Variants in MS4A5 observed in about 807,000 individuals in gnomAD.
The protein encoded by MS4A5 is membrane spanning 4-domains A5.
A neutral mutation model predicts 18.2 loss-of-function variants in MS4A5; 15 were observed. The ratio of observed to expected loss-of-function variants is 0.83; its 90% CI spans 0.55 to 1.27. The LOEUF is 1.27. MS4A5 is among the 50% of genes most tolerant of loss of function. The pLI is 0.00. For synonymous variants in MS4A5, 89 were observed against 78.7 expected (o/e 1.13, Z -0.69); for missense variants, 232 against 225.7 (o/e 1.03, Z -0.18).
chr11:60,429,711 G>A lies in MS4A5; in HGVS notation c.37G>A (p.Val13Ile), dbSNP rs565794196. The A allele has an allele frequency of 1.9e-5, 30 of 1,613,820 alleles. No homozygotes were observed. The South Asian group carries it at 3.2e-4, about 17-fold the overall frequency. Residue 13 changes from valine (V) to isoleucine (I), a missense_variant, in exon 1 of 5, where the codon GTA becomes ATA. Coordinates refer to ENST00000300190, the MANE Select transcript of MS4A5 (RefSeq NM_023945.3). ...SSTAHSPVFL[V>I]FPPEITASEY... ...CACCGCACACAGTCCGGTGTTTCTG[G>A]TATTTCCTCCAGAAATCACTGCTTC...
intron 3 of MS4A5, among the ~76,000 whole-genome samples, chr11:60,433,141 C>T (rs7944373): frequency 0.32 from 49,393 of 152,006 alleles, 8,465 homozygotes; most frequent in Middle Eastern, 0.51. Flanking sequence ...TGGGTATTTA[C>T]GGCATACCAG....
Position 60,432,466 on chromosome 11 carries a change from T to C in MS4A5, c.338T>C (p.Leu113Pro), listed in dbSNP as rs1215024622. The C allele has an allele frequency of 3.2e-6, 5 of 1,570,010 alleles. No individual in the cohort carries two copies. In the Admixed American group the frequency reaches 5.1e-5, roughly 16 times the overall value. Residue 113 changes from leucine (L) to proline (P), a missense_variant and splice_region_variant, in exon 3 of 5, where the codon CTG (leucine) becomes CCG (proline). By Grantham distance (98) the Leu-to-Pro change is moderately conservative. Transcript: ENST00000300190. ...IAVKRKTTET[L>P]IILSRIMNFL... ...GTGAAAAGAAAAACCACAGAAACTC[T>C]GGTGAGTTATATTCTTACTTTATTA...
intron 4 of MS4A5, among the ~76,000 whole-genome samples, chr11:60,434,362 T>C (rs768472433): frequency 2.6e-5 from 4 of 152,076 alleles, no homozygotes; most frequent in African/African-American, 9.7e-5. Flanking sequence ...CTAAGATTAG[T>C]GTAAAAGAAT....
chr11:60,443,626 C>CA (rs1565189158), intron 4 of MS4A5, among the ~76,000 whole-genome samples: 1 of 151,150 alleles, frequency 6.6e-6, no homozygotes, highest in Non-Finnish European at 1.5e-5. Flanking sequence ...ATAGACATAA[C>CA]AAAGAATAGA....
intron 4 of MS4A5, among the ~76,000 whole-genome samples, chr11:60,434,363 G>C (rs2086067382): frequency 6.6e-6 from 1 of 152,114 alleles, no homozygotes; most frequent in Non-Finnish European, 1.5e-5. Context: ...TAAGATTAGT[G>C]TAAAAGAATG....
At chr11:60,432,822 T>C (rs1056572961) in intron 3 of MS4A5, among the ~76,000 whole-genome samples, 1 of 152,052 alleles carries the variant, frequency 6.6e-6, no homozygotes, top group Admixed American at 6.6e-5. Flanking sequence ...ATTTCCACTT[T>C]ATTAAAAATA....
chr11:60,446,746 A>G (rs891908132), intron 4 of MS4A5, among the ~76,000 whole-genome samples: 1 of 151,632 alleles, frequency 6.6e-6, no homozygotes, highest in Non-Finnish European at 1.5e-5. Context: ...AAAAAAAAAA[A>G]AGACAAAAAA....
In MS4A5 at chr11:60,429,785, C is replaced by G. The variant is rs373107019; in HGVS notation, c.111C>G (p.Ser37Arg). The G allele has an allele frequency of 1.5e-5, 25 of 1,613,832 alleles. No homozygotes were observed. The African/African-American group carries it at 3.2e-4, about 21-fold the overall frequency. The change falls in exon 1 of 5, where the codon AGC becomes AGG. Residue 37 changes from serine (S) to arginine (R), a missense_variant. Physicochemically the swap from Ser to Arg is moderately radical, Grantham distance 110 (BLOSUM62 -1). Coordinates refer to ENST00000300190, the MANE Select transcript of MS4A5 (RefSeq NM_023945.3). ...CAGCCACGACCTTTTCAACTCAAAGCCCCTTGCAAAAATTATTTGCTAGAA... is the reference window on the plus strand; with the variant it reads ...CAGCCACGACCTTTTCAACTCAAAGGCCCTTGCAAAAATTATTTGCTAGAA... ...ELSATTFSTQ[S>R]PLQKLFARKM...
At chr11:60,441,549 A>G (rs4080190) in intron 4 of MS4A5, among the ~76,000 whole-genome samples, 135,709 of 146,534 alleles carry the variant, frequency 0.93, 62,887 homozygotes, top group Middle Eastern at 0.97. Flanking sequence ...TATCCTTACT[A>G]TTTGTCAGCA....
chr11:60,446,663 T>C (rs2086139736), intron 4 of MS4A5, among the ~76,000 whole-genome samples: 1 of 151,180 alleles, frequency 6.6e-6, no homozygotes, highest in African/African-American at 2.4e-5. Flanking sequence ...AACCTGGGAG[T>C]TGGAGGTTGC....
At chr11:60,443,260 C>A (rs919388664) in intron 4 of MS4A5, among the ~76,000 whole-genome samples, 31 of 151,452 alleles carry the variant, frequency 2.0e-4, no homozygotes, top group African/African-American at 7.0e-4. Context: ...CAAGCCTCAA[C>A]AAAATTCAAA....
intron 1 of MS4A5, among the ~76,000 whole-genome samples, chr11:60,430,152 T>C (rs1322816753): frequency 6.6e-6 from 1 of 152,238 alleles, no homozygotes; most frequent in Non-Finnish European, 1.5e-5. Flanking sequence ...TTTTGTATAT[T>C]GTATACCTTC....
intron 4 of MS4A5, among the ~76,000 whole-genome samples, chr11:60,437,573 GGAAGTTCT>G (rs2086087625): frequency 6.6e-6 from 1 of 152,050 alleles, no homozygotes; most frequent in Non-Finnish European, 1.5e-5. Flanking sequence ...AAAGGATGGA[GGAAGTTCT>G]ACCAAGCAAA....
intron 4 of MS4A5, among the ~76,000 whole-genome samples, chr11:60,444,968 T>C (rs539610321): frequency 6.6e-6 from 1 of 152,318 alleles, no homozygotes; most frequent in East Asian, 1.9e-4. Context: ...AACTCAAATT[T>C]CTATCAACAA....
intron 4 of MS4A5, among the ~76,000 whole-genome samples, chr11:60,441,791 T>C (rs2086114670): frequency 6.6e-6 from 1 of 152,008 alleles, no homozygotes; most frequent in Admixed American, 6.6e-5. Context: ...AATAAGAGTT[T>C]AAAAAACAAA....
Position 60,441,625 on chromosome 11 carries a change from G to A in MS4A5, c.493-6024G>A, listed in dbSNP as rs201749619. Among the ~76,000 whole-genome samples, 20 of 138,968 alleles carry A rather than the reference G, an allele frequency of 1.4e-4. 1 individual carries two copies. The highest frequency in any genetic ancestry group is 7.2e-4 in the Admixed American group (10 of 13,942). 91.2% of individuals were successfully genotyped at this position (138,968 alleles called of 152,430 possible). On this transcript the variant is annotated intron_variant, in intron 4 of 4. Transcript: ENST00000300190. ...CTCAATAATAAAAATGTCAAGACTTGAAAAAAAAAAAGAAAGAAATGATAA... is the reference window on the plus strand; with the variant it reads ...CTCAATAATAAAAATGTCAAGACTTAAAAAAAAAAAAGAAAGAAATGATAA...
At chr11:60,434,029 C>A in intron 4 of MS4A5, 112 bp downstream of exon 4, 1 of 936,682 alleles carries the variant, frequency 1.1e-6, no homozygotes, top group Non-Finnish European at 1.6e-6. Flanking sequence ...TTTTCTTTTA[C>A]TGACAAACAT....
At chr11:60,439,983 A>G (rs1357482025) in intron 4 of MS4A5, among the ~76,000 whole-genome samples, 1 of 147,134 alleles carries the variant, frequency 6.8e-6, no homozygotes, top group African/African-American at 2.5e-5. Flanking sequence ...TCCGAAGCCA[A>G]AAGAACAAAA....
intron 4 of MS4A5, among the ~76,000 whole-genome samples, chr11:60,444,763 G>A (rs535692752): frequency 5.3e-5 from 8 of 152,202 alleles, no homozygotes; most frequent in Middle Eastern, 3.4e-3. Context: ...CACCAATACC[G>A]GGTGTTGGAA....
Sources: allele counts gnomAD v4.1 joint callset (sites outside exome capture counted in the v4.1 genomes callset), GRCh38; gene constraint gnomAD v4.1.1; transcripts MANE v1.5; gene names NCBI Gene and HGNC (gene_info 2026-07-23, HGNC 2026-07-21).